The following ASAP3 variants were observed in gnomAD, a reference collection of about 807,000 sequenced individuals.
ASAP3 encodes the protein ArfGAP with SH3 domain, ankyrin repeat and PH domain 3, also known as arf-GAP with SH3 domain, ANK repeat and PH domain-containing protein 3.
ASAP3 carries 85 observed loss-of-function variants against 118.2 expected under a neutral mutation model. The ratio of observed to expected loss-of-function variants is 0.72; its 90% CI spans 0.60 to 0.86. The LOEUF (loss-of-function observed/expected upper bound fraction) is 0.86, where lower values mean the gene tolerates loss of function less well. ASAP3 is among the 40% of genes least tolerant of loss of function. The pLI is 0.00. For missense variants in ASAP3, 1,026 were observed against 1,175.0 expected (o/e 0.87, Z 1.85); for synonymous variants, 432 against 477.4 (o/e 0.90, Z 1.24).
chr1:23,478,353 T>A (rs896106132), intron 1 of ASAP3, among the ~76,000 whole-genome samples: 3 of 152,150 alleles, frequency 2.0e-5, no homozygotes, highest in Non-Finnish European at 4.4e-5. Context: ...TAATCCCAGC[T>A]ACTCGGGAGG....
chr1:23,451,715 C>T (rs1641221469), intron 4 of ASAP3, among the ~76,000 whole-genome samples, 187 bp from the exon 5 acceptor site: 1 of 152,130 alleles, frequency 6.6e-6, no homozygotes, highest in South Asian at 2.1e-4. Flanking sequence ...TCAGCTGACC[C>T]CATTTCTCAG....
At chr1:23,435,626 G>A in intron 17 of ASAP3, 1 of 597,798 alleles carries the variant, frequency 1.7e-6, no homozygotes, top group South Asian at 2.0e-5. Flanking sequence ...ATGAGACTCA[G>A]AGAAGTAACC....
In ASAP3 at chr1:23,431,790, A is replaced by G. The variant is rs750200318; in HGVS notation, c.2452T>C (p.Ser818Pro). Residue 818 changes from serine (S) to proline (P), a missense_variant, in exon 23 of 25, where the codon TCT becomes CCT. By Grantham distance (74) the Ser-to-Pro change is moderately conservative. Coordinates refer to ENST00000336689, the MANE Select transcript of ASAP3 (RefSeq NM_017707.4). ...PGDPSQAPPN[S>P]EEGLREPPGT... ...GGGGGCTCTCGGAGGCCCTCTTCAG[A>G]GTTGGGTGGGGCTTGGCTGGGATCC... 1.3e-6 allele frequency: 2 copies of G among 1,544,622 alleles called. No homozygotes were observed. The highest frequency in any genetic ancestry group is 2.2e-5 in the Admixed American group (1 of 45,642).
chr1:23,461,598 C>T (rs1298086506), intron 1 of ASAP3, among the ~76,000 whole-genome samples: 10 of 151,496 alleles, frequency 6.6e-5, no homozygotes, highest in Non-Finnish European at 1.3e-4. Flanking sequence ...GGAGTTGAGG[C>T]TATAGTGAGC....
rs1358853840 is a variant in ASAP3, at chr1:23,438,331, T to A, written c.1102+416A>T. On this transcript the variant is annotated intron_variant, in intron 12 of 24. Coordinates refer to ENST00000336689, the MANE Select transcript of ASAP3 (RefSeq NM_017707.4). This position sits in a 1 kb window ranked among gnomAD's most constrained non-coding sequence, Gnocchi z 4.9. ...GCCAGAGAGTTTCCTGAGGACAAGATCTAGGTCTTTCTCAGCCTGTGTCTG... is the reference window on the plus strand; with the variant it reads ...GCCAGAGAGTTTCCTGAGGACAAGAACTAGGTCTTTCTCAGCCTGTGTCTG... 6.6e-6 allele frequency among the ~76,000 whole-genome samples: 1 copy of A among 152,122 alleles called. No individual in the cohort carries two copies. The highest frequency in any genetic ancestry group is 1.5e-5 in the Non-Finnish European group (1 of 68,018).
rs1226914515 is a variant in ASAP3 at position 23,434,316 on chromosome 1, G to C, written c.1889C>G (p.Ala630Gly). ...GAGGCAGTCGGGCTGGTTGTAGAGT[G>C]CTGCGTAGTGCAGAGCCGTGTTCCC... The part of the protein sequence containing the change: ...ADGNTALHYA[A>G]LYNQPDCLKL... The change falls in exon 19 of 25, where the codon GCA (alanine) becomes GGA (glycine). Residue 630 changes from alanine (A) to glycine (G), a missense_variant. Coordinates refer to ENST00000336689, the MANE Select transcript of ASAP3 (RefSeq NM_017707.4). 5 of 1,614,110 alleles carry C rather than the reference G, an allele frequency of 3.1e-6. No homozygotes were observed. The African/African-American group carries it at 6.7e-5, about 22-fold the overall frequency.
At chr1:23,434,171 G>T in intron 19 of ASAP3, 83 bp downstream of exon 19, 1 of 1,388,304 alleles carries the variant, frequency 7.2e-7, no homozygotes, top group Admixed American at 1.7e-5. Context: ...AAGCAAGCCA[G>T]GATTAGAGCC....
At chr1:23,451,187 G>A (rs141093901) in intron 5 of ASAP3, among the ~76,000 whole-genome samples, 1 of 152,176 alleles carries the variant, frequency 6.6e-6, no homozygotes, top group Non-Finnish European at 1.5e-5. Flanking sequence ...GCACGCGGAG[G>A]TGTTTGGTCA....
rs139004269 is a variant in ASAP3 at position 23,437,435 on chromosome 1, G to A, written c.1140C>T (p.His380=). The change falls in exon 13 of 25, where the codon CAC becomes CAT. Residue 380 remains histidine, a synonymous_variant. Coordinates refer to ENST00000336689, the MANE Select transcript of ASAP3 (RefSeq NM_017707.4). This position sits in a 1 kb window ranked among gnomAD's most constrained non-coding sequence, Gnocchi z 6.1. The part of the protein sequence containing the change: ...RTYHFQAEDE[H]ECEAWVSVLQ... ...GAGGGGGCACTCACGCCTCACACTC[G>A]TGCTCGTCCTCTGCCTGAAAGTGGT... 244 of 1,614,082 alleles carry A rather than the reference G, an allele frequency of 1.5e-4. 2 individuals are homozygous for A. In the East Asian group the frequency reaches 3.9e-3, roughly 26 times the overall value.
intron 1 of ASAP3, 54 bp downstream of exon 1, chr1:23,483,951 G>A: frequency 3.2e-6 from 4 of 1,244,918 alleles, no homozygotes; most frequent in Non-Finnish European, 4.0e-6. Flanking sequence ...GCCTGTGGAG[G>A]TCAAGGCCAG....
rs754323088 is a variant in ASAP3, at chr1:23,434,617, G to A, written c.1751C>T (p.Ala584Val). ...CAAATGCAAGACGAGTTCTTCAGGT[G>A]CCTGAAAACACATCCACACCTCTGA... ...GQPLPGPDAQ[A>V]PEELVLHLAV... Residue 584 changes from alanine (A) to valine (V), a missense_variant and splice_region_variant, in exon 18 of 25, where the codon GCA (alanine) becomes GTA (valine). Transcript: ENST00000336689. 3 of 1,613,712 alleles carry A rather than the reference G, an allele frequency of 1.9e-6. No homozygotes were observed. In the Admixed American group the frequency reaches 5.0e-5, roughly 27 times the overall value.
rs537767327 is a variant in ASAP3, at chr1:23,471,766, G to A, written c.129+12239C>T. Among the ~76,000 whole-genome samples the A allele has an allele frequency of 5.6e-4, 85 of 152,282 alleles. 1 individual carries two copies. The South Asian group carries it at 0.017, about 31-fold the overall frequency. On this transcript the variant is annotated intron_variant, in intron 1 of 24. Transcript: ENST00000336689. ...GTCAGGCATTTAAGCACGTGGCCCA[G>A]CATAATACACACAGAAAGGGCTTCA...
chr1:23,457,340 G>A (rs1463558323), intron 1 of ASAP3, among the ~76,000 whole-genome samples: 1 of 152,174 alleles, frequency 6.6e-6, no homozygotes, highest in East Asian at 1.9e-4. Flanking sequence ...TAAACACATT[G>A]GAAATGGTAC....
chr1:23,473,580 T>C (rs112531952), intron 1 of ASAP3, among the ~76,000 whole-genome samples: 8 of 152,348 alleles, frequency 5.3e-5, no homozygotes, highest in African/African-American at 1.7e-4. Flanking sequence ...AGGGAAAGCA[T>C]GTTCCTTCTG....
chr1:23,472,489 CAAAG>C (rs1408342522), intron 1 of ASAP3, among the ~76,000 whole-genome samples: 1 of 152,084 alleles, frequency 6.6e-6, no homozygotes, highest in East Asian at 1.9e-4. Flanking sequence ...AAATGTTTGA[CAAAG>C]AAATGAACAG....
intron 5 of ASAP3, among the ~76,000 whole-genome samples, chr1:23,446,524 G>T (rs937770992): frequency 6.8e-6 from 1 of 147,282 alleles, no homozygotes; most frequent in Non-Finnish European, 1.5e-5. Context: ...TGCAACCTCT[G>T]CCTCCCAGGT....
In ASAP3 at chr1:23,436,716, G is replaced by A; in HGVS notation, c.1477-62C>T. On this transcript the variant is annotated intron_variant, in intron 15 of 24. Transcript: ENST00000336689. This position sits in a 1 kb window ranked among gnomAD's most constrained non-coding sequence, Gnocchi z 4.2. ...GACCGGGCGGTTAAGCCTGCATAGG[G>A]TGGAGCTCCAAGCCCCCAGAGTCCC... 1.2e-6 allele frequency: 2 copies of A among 1,601,102 alleles called. No individual in the cohort carries two copies. Among genetic ancestry groups the A allele is most frequent in the Non-Finnish European group, 1.7e-6 (2 of 1,168,938 alleles).
At chr1:23,478,921 G>A (rs967437000) in intron 1 of ASAP3, among the ~76,000 whole-genome samples, 8 of 152,176 alleles carry the variant, frequency 5.3e-5, no homozygotes, top group African/African-American at 1.9e-4. Flanking sequence ...GTGAAATAAA[G>A]AGGAATCGCC....
intron 4 of ASAP3, 66 bp from the exon 5 acceptor site, chr1:23,451,594 T>A (rs1641216548): frequency 6.5e-7 from 1 of 1,548,704 alleles, no homozygotes; most frequent in African/African-American, 1.4e-5. Context: ...CAGTATGCTC[T>A]GCTGCCTGTA....
Sources: allele counts gnomAD v4.1 joint callset (sites outside exome capture counted in the v4.1 genomes callset), GRCh38; gene constraint gnomAD v4.1.1; non-coding constraint Gnocchi (gnomAD v3.1); transcripts MANE v1.5; gene names NCBI Gene and HGNC (gene_info 2026-07-23, HGNC 2026-07-21).